The following CCDC201 variants were observed in gnomAD, a reference collection of about 807,000 sequenced individuals.
CCDC201 encodes the protein coiled-coil domain-containing protein 201.
At chr7:45,867,297 C>T (rs1202795841) in intron 1 of CCDC201, among the ~76,000 whole-genome samples, 1 of 152,188 alleles carries the variant, frequency 6.6e-6, no homozygotes, top group Non-Finnish European at 1.5e-5. Flanking sequence ...GATTTACTAC[C>T]AATGGAGGTA....
chr7:45,860,735 CAG>C (rs1294628462), exon 3 of CCDC201: 1 of 150,774 alleles, frequency 6.6e-6, no homozygotes, highest in Non-Finnish European at 1.5e-5. Flanking sequence ...AGCAGCCAAA[CAG>C]AGACTCAGTT....
chr7:45,870,957 T>G (rs960081309), intron 1 of CCDC201, among the ~76,000 whole-genome samples: 5 of 152,226 alleles, frequency 3.3e-5, no homozygotes, highest in Non-Finnish European at 7.3e-5. Flanking sequence ...CTGGGACTTT[T>G]ATCAAACAGA....
exon 3 of CCDC201, chr7:45,860,152 A>G (rs1786578452): frequency 6.6e-6 from 1 of 152,524 alleles, no homozygotes; most frequent in South Asian, 2.1e-4. Context: ...GGGATCTCAC[A>G]AAGTACATTC....
chr7:45,875,186 T>A (rs1786787175), upstream of CCDC201, among the ~76,000 whole-genome samples: 1 of 152,170 alleles, frequency 6.6e-6, no homozygotes, highest in Non-Finnish European at 1.5e-5. Context: ...GACAGTATAG[T>A]GTGATCTCAT....
upstream of CCDC201, among the ~76,000 whole-genome samples, chr7:45,877,207 T>C (rs965345226): frequency 2.6e-5 from 4 of 152,214 alleles, no homozygotes; most frequent in African/African-American, 9.6e-5. Flanking sequence ...CCCACATTGT[T>C]ACAGTCATGA....
At chr7:45,873,333 C>A (rs914655434), upstream of CCDC201, among the ~76,000 whole-genome samples, 3 of 135,142 alleles carry the variant, frequency 2.2e-5, no homozygotes, top group Non-Finnish European at 4.6e-5. Flanking sequence ...TGCATCATAA[C>A]CACCTACGGG....
chr7:45,868,477 G>A (rs189684640), intron 1 of CCDC201, among the ~76,000 whole-genome samples: 1 of 152,278 alleles, frequency 6.6e-6, no homozygotes, highest in East Asian at 1.9e-4. Context: ...GAAGGTCACC[G>A]ATGGCCATCT....
intron 2 of CCDC201, among the ~76,000 whole-genome samples, chr7:45,863,668 C>T (rs908776476): frequency 6.6e-5 from 10 of 152,150 alleles, no homozygotes; most frequent in African/African-American, 1.4e-4. Context: ...ACACTAAACA[C>T]GATGCCAGGA....
chr7:45,877,706 T>C (rs1246425791), upstream of CCDC201, among the ~76,000 whole-genome samples: 1 of 152,116 alleles, frequency 6.6e-6, no homozygotes, highest in African/African-American at 2.4e-5. Flanking sequence ...ATCAGGACCC[T>C]CCTTCAGCAT....
chr7:45,871,629 T>C (rs1260399910), intron 1 of CCDC201, among the ~76,000 whole-genome samples: 1 of 152,120 alleles, frequency 6.6e-6, no homozygotes, highest in African/African-American at 2.4e-5. Context: ...AGAAAAAAGA[T>C]ACACCAATGC....
upstream of CCDC201, among the ~76,000 whole-genome samples, chr7:45,874,805 G>A (rs1237365563): frequency 6.6e-6 from 1 of 152,188 alleles, no homozygotes; most frequent in Non-Finnish European, 1.5e-5. Flanking sequence ...CTGGGGGTGG[G>A]GCTCTAGGGG....
exon 2 of CCDC201, chr7:45,866,154 TGCTGCC>T (rs1284740729): frequency 4.9e-5 from 10 of 204,630 alleles, no homozygotes; most frequent in South Asian, 1.5e-4. Context: ...CTGCTGCTGC[TGCTGCC>T]GCTGCCGCTG....
At chr7:45,870,230 T>C (rs138260905) in intron 1 of CCDC201, among the ~76,000 whole-genome samples, 43 of 152,352 alleles carry the variant, frequency 2.8e-4, no homozygotes, top group Non-Finnish European at 5.4e-4. Flanking sequence ...ACTTGCATAG[T>C]GGTTTTGATT....
upstream of CCDC201, among the ~76,000 whole-genome samples, chr7:45,877,478 A>C (rs1786825698): frequency 6.6e-6 from 1 of 152,240 alleles, no homozygotes; most frequent in Non-Finnish European, 1.5e-5. Context: ...AAGAGGTTTC[A>C]TCAGCTCACG....
intron 2 of CCDC201, among the ~76,000 whole-genome samples, chr7:45,865,106 C>G (rs946074672): frequency 6.6e-6 from 1 of 151,986 alleles, no homozygotes; most frequent in Non-Finnish European, 1.5e-5. Context: ...GACTGCTGGC[C>G]GGAAAAGTGC....
At chr7:45,866,868 T>G (rs1460355464) in intron 1 of CCDC201, among the ~76,000 whole-genome samples, 2 of 152,162 alleles carry the variant, frequency 1.3e-5, no homozygotes, top group Non-Finnish European at 2.9e-5. Flanking sequence ...TCCTGACTTG[T>G]AGACTCACAA....
intron 2 of CCDC201, among the ~76,000 whole-genome samples, 160 bp downstream of exon 2, chr7:45,865,876 G>A (rs1318844624): frequency 1.5e-4 from 23 of 152,198 alleles, no homozygotes; most frequent in Admixed American, 1.4e-3. Flanking sequence ...TGCAGAGTAA[G>A]GGTGTGTTGG....
chr7:45,869,447 A>G (rs1386651733), intron 1 of CCDC201, among the ~76,000 whole-genome samples: 1 of 152,236 alleles, frequency 6.6e-6, no homozygotes, highest in Non-Finnish European at 1.5e-5. Context: ...TGTTCTGTGG[A>G]GGTCTGGCTT....
chr7:45,865,295 A>G (rs1443116050), intron 2 of CCDC201, among the ~76,000 whole-genome samples: 1 of 152,204 alleles, frequency 6.6e-6, no homozygotes, highest in Non-Finnish European at 1.5e-5. Flanking sequence ...TCCAATTAGC[A>G]AAGGAAGAAG....
Sources: allele counts gnomAD v4.1 joint callset (sites outside exome capture counted in the v4.1 genomes callset), GRCh38; gene constraint gnomAD v4.1.1; transcripts MANE v1.5; gene names NCBI Gene and HGNC (gene_info 2026-07-23, HGNC 2026-07-21).